Variants in JAKMIP1 observed in about 807,000 individuals in gnomAD.
JAKMIP1 encodes janus kinase and microtubule-interacting protein 1.
Under a neutral mutation model 113.0 loss-of-function variants are expected in JAKMIP1, and 33 were observed. The ratio of observed to expected loss-of-function variants is 0.29; its 90% CI spans 0.22 to 0.39. The LOEUF is 0.39. Ranked by LOEUF, JAKMIP1 falls within the 10% of genes least tolerant of loss-of-function variation. The pLI, the probability that JAKMIP1 is intolerant of heterozygous loss-of-function variation, is 1.00. For synonymous variants in JAKMIP1, 480 were observed against 459.9 expected (o/e 1.04, Z -0.56); for missense variants, 813 against 1,080.5 (o/e 0.75, Z 3.47).
At chr4:6,163,868 A>G (rs750736929) in intron 1 of JAKMIP1, among the ~76,000 whole-genome samples, 8 of 152,268 alleles carry the variant, frequency 5.3e-5, no homozygotes, top group Non-Finnish European at 7.3e-5. Context: ...AGCCTAATTC[A>G]GAGCAAGGCC....
intron 16 of JAKMIP1, among the ~76,000 whole-genome samples, chr4:6,047,653 T>C (rs1578084210): frequency 2.0e-5 from 3 of 152,338 alleles, no homozygotes; most frequent in Middle Eastern, 6.8e-3. Flanking sequence ...TTTAGTATCC[T>C]TTACTTGATT....
chr4:6,030,985 T>G (rs1421227757), intron 19 of JAKMIP1, among the ~76,000 whole-genome samples: 8 of 152,218 alleles, frequency 5.3e-5, no homozygotes, highest in Admixed American at 2.6e-4. Flanking sequence ...TGGGCACATT[T>G]AGTCACTCAG....
chr4:6,160,494 G>A (rs116753832), intron 1 of JAKMIP1, among the ~76,000 whole-genome samples: 2,494 of 152,108 alleles, frequency 0.016, 51 homozygotes, highest in African/African-American at 0.057. Flanking sequence ...GATCACCCTC[G>A]AGCCCTCGCT....
chr4:6,112,408 C>T (rs1191567327), intron 2 of JAKMIP1, among the ~76,000 whole-genome samples: 1 of 152,230 alleles, frequency 6.6e-6, no homozygotes, highest in Non-Finnish European at 1.5e-5. Context: ...TCGAATCGTT[C>T]TTTGCTCAGT....
intron 1 of JAKMIP1, among the ~76,000 whole-genome samples, chr4:6,130,708 G>A (rs752527624): frequency 6.6e-6 from 1 of 152,128 alleles, no homozygotes; most frequent in Non-Finnish European, 1.5e-5. Flanking sequence ...AAAAGGAAAA[G>A]CTAGAAATAA....
intron 12 of JAKMIP1, 71 bp from the exon 13 acceptor site, chr4:6,054,219 G>T: frequency 1.4e-6 from 2 of 1,469,660 alleles, no homozygotes; most frequent in Non-Finnish European, 1.9e-6. Context: ...CAGGCCACCT[G>T]ACTGAGTGGC....
intron 11 of JAKMIP1, among the ~76,000 whole-genome samples, chr4:6,058,804 AG>A (rs1209542100): frequency 6.6e-6 from 1 of 152,228 alleles, no homozygotes; most frequent in Non-Finnish European, 1.5e-5. Context: ...CCAAGGAATA[AG>A]CATTTACTTA....
chr4:6,191,316 G>A (rs1212279809), intron 1 of JAKMIP1, among the ~76,000 whole-genome samples: 1 of 152,178 alleles, frequency 6.6e-6, no homozygotes, highest in African/African-American at 2.4e-5. Context: ...CCGCCAGTGT[G>A]ACTGTCCCCT....
At chr4:6,118,994 G>A (rs1163109881) in intron 1 of JAKMIP1, among the ~76,000 whole-genome samples, 1 of 152,196 alleles carries the variant, frequency 6.6e-6, no homozygotes, top group Non-Finnish European at 1.5e-5. Context: ...ACACACAGAG[G>A]AGAAGCCCAA....
rs1021447389 is a variant in JAKMIP1, at chr4:6,113,125, G to A, written c.-147-128C>T. 3 of 413,952 alleles carry A rather than the reference G, an allele frequency of 7.2e-6. No homozygotes were observed. The Admixed American group carries it at 1.2e-4, about 17-fold the overall frequency. The allele number at this position is 413,952 out of a possible 1,614,324, so 25.6% of individuals were successfully genotyped here. On this transcript the variant is annotated intron_variant, in intron 1 of 20. Coordinates refer to ENST00000409021, the MANE Select transcript of JAKMIP1 (RefSeq NM_001099433.2). ...GACCTGCCACTCCCAGACTGACCTA[G>A]AGCCTTCCCGATGGGGGCTGCAGCA...
intron 12 of JAKMIP1, chr4:6,054,900 G>A (rs1027480907): frequency 1.1e-5 from 5 of 455,676 alleles, no homozygotes; most frequent in South Asian, 3.1e-5. Flanking sequence ...TCCCACCCCC[G>A]GGAGACCTTT....
At chr4:6,035,849 C>T (rs1309971804) in intron 19 of JAKMIP1, 55 bp downstream of exon 19, 1 of 1,461,682 alleles carries the variant, frequency 6.8e-7, no homozygotes, top group East Asian at 2.5e-5. Flanking sequence ...CCAAGGTGCA[C>T]ACAGGACAAC....
chr4:6,064,082 C>T lies in JAKMIP1; in HGVS notation c.1431+798G>A, dbSNP rs957393656. On this transcript the variant is annotated intron_variant, in intron 9 of 20. Transcript: ENST00000409021. The surrounding 1 kb of genome is among the most constrained non-coding windows in gnomAD (Gnocchi z 4.3). ...CACCAGGGGCCTGCATGGGAAGAGG[C>T]AGAAGAGCAAGGTAGGGAAACAGCA... Among the ~76,000 whole-genome samples the T allele has an allele frequency of 2.0e-5, 3 of 152,264 alleles. No individual in the cohort carries two copies. The highest frequency in any genetic ancestry group is 6.5e-5 in the Admixed American group (1 of 15,288).
chr4:6,072,110 G>C (rs1458413893), intron 8 of JAKMIP1, among the ~76,000 whole-genome samples: 1 of 152,186 alleles, frequency 6.6e-6, no homozygotes, highest in African/African-American at 2.4e-5. Flanking sequence ...CTTATGTAAA[G>C]TGTTGATTTA....
chr4:6,105,702 A>G lies in JAKMIP1; in HGVS notation c.395T>C (p.Leu132Pro). The G allele has an allele frequency of 1.2e-6, 2 of 1,603,688 alleles. No homozygotes were observed. Among genetic ancestry groups the G allele is most frequent in the Non-Finnish European group, 1.7e-6 (2 of 1,178,128 alleles). ...DGAADKVKTA[L>P]LTEAREEARR... ...CGCCTCCTCGCGCGCCTCGGTCAGC[A>G]GCGCCGTCTTGACCTTGTCGGCCGC... The change falls in exon 3 of 21, where the codon CTG (leucine) becomes CCG (proline). Residue 132 changes from leucine to proline, a missense_variant. Leu to Pro is a moderately conservative substitution (Grantham distance 98, BLOSUM62 -3). Transcript: ENST00000409021.
rs1284110883 is a variant in JAKMIP1 at position 6,169,994 on chromosome 4, CCACCACCACCACCACCCT to C, written c.-148+30241_-148+30258del. On this transcript the variant is annotated intron_variant, in intron 1 of 20. Transcript: ENST00000409021. ...ACCACCACCACTACCACCACCACCA[CCACCACCACCACCACCCT>C]CACCACCACCACATTCCCATCACCA... 7.5e-3 allele frequency among the ~76,000 whole-genome samples: 710 copies of C among 94,470 alleles called. 10 individuals carry two copies. Among genetic ancestry groups the C allele is most frequent in the African/African-American group, 0.028 (670 of 23,702 alleles). 62.0% of individuals were successfully genotyped at this position (94,470 alleles called of 152,430 possible). A position where few individuals can be genotyped will look rare whatever the true frequency, so the allele number is the denominator to read the frequency against.
At chr4:6,171,666 G>A (rs902984381) in intron 1 of JAKMIP1, among the ~76,000 whole-genome samples, 9 of 152,198 alleles carry the variant, frequency 5.9e-5, no homozygotes, top group African/African-American at 1.4e-4. Context: ...GGAAGACAGA[G>A]TCTTCACATG....
Position 6,050,486 on chromosome 4 carries a change from AT to A in JAKMIP1, c.1908+91del. 1.2e-6 allele frequency: 1 copy of A among 859,600 alleles called. No individual in the cohort carries two copies. The highest frequency in any genetic ancestry group is 1.6e-5 in the South Asian group (1 of 62,708). The allele number at this position is 859,600 out of a possible 1,614,324, so 53.2% of individuals were successfully genotyped here. On this transcript the variant is annotated intron_variant, in intron 14 of 20. Transcript: ENST00000409021. This position sits in a 1 kb window ranked among gnomAD's most constrained non-coding sequence, Gnocchi z 7.4. Reference sequence around the variant, plus strand: ...CACAAGGGGTATCTCATGAAAATCAATTCTATCCCAGCACTCCCCCTTTGCA... The same window carrying A: ...CACAAGGGGTATCTCATGAAAATCAATCTATCCCAGCACTCCCCCTTTGCA...
chr4:6,111,617 G>C (rs1714945680), intron 2 of JAKMIP1, among the ~76,000 whole-genome samples: 1 of 152,186 alleles, frequency 6.6e-6, no homozygotes, highest in Non-Finnish European at 1.5e-5. Flanking sequence ...TAGTCACCTG[G>C]CCAAGATCAT....
Sources: allele counts gnomAD v4.1 joint callset (sites outside exome capture counted in the v4.1 genomes callset), GRCh38; gene constraint gnomAD v4.1.1; non-coding constraint Gnocchi (gnomAD v3.1); transcripts MANE v1.5; gene names NCBI Gene and HGNC (gene_info 2026-07-23, HGNC 2026-07-21).